The following PRKN variants were observed in gnomAD, a reference collection of about 807,000 sequenced individuals.
PRKN encodes parkin RBR E3 ubiquitin protein ligase, also known as E3 ubiquitin-protein ligase parkin.
Under a neutral mutation model 59.5 loss-of-function variants are expected in PRKN, and 56 were observed. That is an observed-to-expected ratio of 0.94 (90% CI 0.76 to 1.18). The LOEUF is 1.18. PRKN is among the 50% of genes most tolerant of loss of function. The pLI is 0.00. For missense variants in PRKN, 657 were observed against 596.4 expected, an observed-to-expected ratio of 1.10 and a Z score of -1.06; for synonymous variants, 250 against 222.1, an observed-to-expected ratio of 1.13 and a Z score of -1.12.
intron 5 of PRKN, among the ~76,000 whole-genome samples, chr6:162,014,471 A>T (rs894310799): frequency 6.6e-6 from 1 of 152,156 alleles, no homozygotes; most frequent in Non-Finnish European, 1.5e-5. Flanking sequence ...ACTGTGACTC[A>T]GTCCACTTTG....
At position 162,057,061 on chromosome 6, in the gene PRKN, G is replaced by C. The variant is rs139127738; in HGVS notation, c.535-2887C>G. Among the ~76,000 whole-genome samples the C allele has an allele frequency of 4.6e-5, 7 of 152,182 alleles. No homozygotes were observed. In the South Asian group the frequency reaches 1.5e-3, roughly 32 times the overall value. ...CTCCTGGTGAATCACTGAATCTGGA[G>C]GGGGGAGGTGGTCTTGGGGGCCCAG... On this transcript the variant is annotated intron_variant, in intron 4 of 11. Transcript: ENST00000366898.
intron 7 of PRKN, among the ~76,000 whole-genome samples, chr6:161,638,999 C>T (rs958765032): frequency 6.6e-6 from 1 of 152,208 alleles, no homozygotes; most frequent in South Asian, 2.1e-4. Context: ...GCCTCAGTCT[C>T]CCAAAGTGCT....
chr6:161,908,119 C>G (rs1778217079), intron 6 of PRKN, among the ~76,000 whole-genome samples: 1 of 151,986 alleles, frequency 6.6e-6, no homozygotes, highest in Admixed American at 6.6e-5. Flanking sequence ...CAACAAAGAA[C>G]ATAAGGAATT....
In PRKN at chr6:161,730,880, A is replaced by G. The variant is rs146366206; in HGVS notation, c.871+54892T>C. Reference sequence around the variant, plus strand: ...TCTGAAGTGTTGCATTCTTTCTGATATGTTGCATTCTGGCGTGTTGCATTC... The same window carrying G: ...TCTGAAGTGTTGCATTCTTTCTGATGTGTTGCATTCTGGCGTGTTGCATTC... On this transcript the variant is annotated intron_variant, in intron 7 of 11. Coordinates refer to ENST00000366898, the MANE Select transcript of PRKN (RefSeq NM_004562.3). Among the ~76,000 whole-genome samples the G allele has an allele frequency of 4.8e-4, 70 of 145,194 alleles. 1 individual carries two copies. In the East Asian group the frequency reaches 0.014, roughly 30 times the overall value.
At chr6:162,142,062 A>T (rs1250506142) in intron 4 of PRKN, among the ~76,000 whole-genome samples, 1 of 152,230 alleles carries the variant, frequency 6.6e-6, no homozygotes, top group Non-Finnish European at 1.5e-5. Flanking sequence ...ATCCATGCAT[A>T]AGCTGCTTAA....
chr6:162,348,886 G>A (rs1784510859), intron 2 of PRKN, among the ~76,000 whole-genome samples: 1 of 152,126 alleles, frequency 6.6e-6, no homozygotes, highest in African/African-American at 2.4e-5. Context: ...TAGGCAGAGA[G>A]AGAAGACATA....
intron 9 of PRKN, among the ~76,000 whole-genome samples, chr6:161,520,263 C>T (rs1407762481): frequency 1.5e-5 from 2 of 135,384 alleles, no homozygotes; most frequent in African/African-American, 2.8e-5. Flanking sequence ...CTTGCTCTGT[C>T]GTCCAGGCTG....
chr6:162,368,955 C>A (rs960084585), intron 2 of PRKN, among the ~76,000 whole-genome samples: 4 of 152,122 alleles, frequency 2.6e-5, no homozygotes, highest in Non-Finnish European at 5.9e-5. Context: ...ATAGGAATTT[C>A]TTTTTTATCA....
At chr6:162,617,856 T>G (rs566667540) in intron 1 of PRKN, among the ~76,000 whole-genome samples, 1 of 152,296 alleles carries the variant, frequency 6.6e-6, no homozygotes, top group South Asian at 2.1e-4. Context: ...TAAAGTTTAT[T>G]GAGCACTTAC....
intron 8 of PRKN, among the ~76,000 whole-genome samples, chr6:161,558,137 A>G (rs1382304517): frequency 6.6e-6 from 1 of 152,142 alleles, no homozygotes; most frequent in African/African-American, 2.4e-5. Context: ...CGGAGCCACA[A>G]AGAAGTGCCA....
At chr6:162,165,964 C>T (rs964456673) in intron 4 of PRKN, among the ~76,000 whole-genome samples, 3 of 146,664 alleles carry the variant, frequency 2.0e-5, no homozygotes, top group African/African-American at 7.6e-5. Context: ...AGGAGAACTG[C>T]TTGAACCCAG....
chr6:161,913,547 A>G (rs1028014440), intron 6 of PRKN, among the ~76,000 whole-genome samples: 1 of 152,230 alleles, frequency 6.6e-6, no homozygotes, highest in Non-Finnish European at 1.5e-5. Context: ...AAATAAAATA[A>G]AAAGCAATAA....
intron 4 of PRKN, among the ~76,000 whole-genome samples, chr6:162,197,789 G>A (rs1784552728): frequency 6.6e-6 from 1 of 152,186 alleles, no homozygotes; most frequent in East Asian, 1.9e-4. Flanking sequence ...ATTATATGAT[G>A]CCAGACAGAA....
At chr6:161,648,767 G>A (rs62436831) in intron 7 of PRKN, among the ~76,000 whole-genome samples, 1,837 of 152,206 alleles carry the variant, frequency 0.012, 16 homozygotes, top group Non-Finnish European at 0.019. Flanking sequence ...CTAAACTTAA[G>A]CATTCAAGCC....
intron 7 of PRKN, among the ~76,000 whole-genome samples, chr6:161,718,877 G>C (rs1343385951): frequency 6.6e-6 from 1 of 152,176 alleles, no homozygotes; most frequent in Admixed American, 6.5e-5. Context: ...AACATCTTCT[G>C]AGTCTCATGA....
rs531877649 is a variant in PRKN at position 161,965,858 on chromosome 6, A to G, written c.734+7444T>C. On this transcript the variant is annotated intron_variant, in intron 6 of 11. Transcript: ENST00000366898. Reference sequence around the variant, plus strand: ...TTAAGACAAAAGACTGTGGAGACCAAGGTTCTTCTGAGGTCTTATAATGGC... The same window carrying G: ...TTAAGACAAAAGACTGTGGAGACCAGGGTTCTTCTGAGGTCTTATAATGGC... Among the ~76,000 whole-genome samples, 15 of 152,202 alleles carry G rather than the reference A, an allele frequency of 9.9e-5. No individual in the cohort carries two copies. In the East Asian group the frequency reaches 2.7e-3, roughly 27 times the overall value.
chr6:162,337,096 A>T (rs1157760083), intron 2 of PRKN, among the ~76,000 whole-genome samples: 1 of 152,200 alleles, frequency 6.6e-6, no homozygotes, highest in East Asian at 1.9e-4. Context: ...ACAAATATTG[A>T]ATTAGTAAAC....
chr6:161,631,795 C>A (rs191340496), intron 7 of PRKN, among the ~76,000 whole-genome samples: 1 of 100,988 alleles, frequency 9.9e-6, no homozygotes, highest in Admixed American at 8.9e-5. Flanking sequence ...ACACACACAC[C>A]CCACACACAC....
chr6:161,973,249 A>C, intron 6 of PRKN, 53 bp downstream of exon 6: 1 of 1,163,732 alleles, frequency 8.6e-7, no homozygotes, highest in Admixed American at 1.7e-5. Context: ...TGCTATTTTT[A>C]GATCCTTACC....
Sources: allele counts gnomAD v4.1 joint callset (sites outside exome capture counted in the v4.1 genomes callset), GRCh38; gene constraint gnomAD v4.1.1; transcripts MANE v1.5; gene names NCBI Gene and HGNC (gene_info 2026-07-23, HGNC 2026-07-21).